Variants in PTPRG observed in about 807,000 individuals in gnomAD.
The protein encoded by PTPRG is protein tyrosine phosphatase receptor type G.
PTPRG carries 102 observed loss-of-function variants against 165.3 expected under a neutral mutation model. That is an observed-to-expected ratio of 0.62 (90% CI 0.53 to 0.73). The LOEUF (loss-of-function observed/expected upper bound fraction) is 0.73, where lower values mean the gene tolerates loss of function less well. PTPRG is among the 30% of genes least tolerant of loss of function. The probability of loss-of-function intolerance (pLI) is 0.00; values close to 1 mark genes in which losing one functional copy is unlikely to be tolerated. For missense variants in PTPRG, 1,866 were observed against 1,861.4 expected (o/e 1.00, Z -0.05); for synonymous variants, 675 against 669.5 (o/e 1.01, Z -0.13).
chr3:62,253,675 G>A (rs376050109), intron 15 of PTPRG, among the ~76,000 whole-genome samples: 3 of 152,130 alleles, frequency 2.0e-5, no homozygotes, highest in South Asian at 2.1e-4. Context: ...TTTTGGCTCC[G>A]CTTACTCTGT....
At chr3:61,952,621 C>G (rs1377593494) in intron 2 of PTPRG, among the ~76,000 whole-genome samples, 1 of 152,170 alleles carries the variant, frequency 6.6e-6, no homozygotes, top group Admixed American at 6.5e-5. Context: ...GTTCTCAGGA[C>G]ACCTTAAAAC....
At chr3:61,795,546 A>G (rs1248478036) in intron 2 of PTPRG, among the ~76,000 whole-genome samples, 2 of 150,326 alleles carry the variant, frequency 1.3e-5, no homozygotes, top group African/African-American at 4.9e-5. Flanking sequence ...AGGCCGAGAC[A>G]GGAGAATCAC....
intron 1 of PTPRG, among the ~76,000 whole-genome samples, chr3:61,728,558 G>A (rs1040824728): frequency 6.6e-6 from 1 of 151,984 alleles, no homozygotes; most frequent in African/African-American, 2.4e-5. Context: ...CCTCCAGCCT[G>A]GAAGACAGAG....
rs758245286 is a variant in PTPRG at position 62,296,425 on chromosome 3, T to C, written c.*3118T>C. 5.3e-5 allele frequency: 8 copies of C among 151,944 alleles called. No homozygotes were observed. Among genetic ancestry groups the C allele is most frequent in the Non-Finnish European group, 8.8e-5 (6 of 67,972 alleles). 9.4% of individuals were successfully genotyped at this position (151,944 alleles called of 1,614,324 possible). ...TATGAATTTTTCTTAAATGCATATA[T>C]ACTGTATTTAAAATTAAAATATAGA... On this transcript the variant is annotated 3_prime_UTR_variant, in exon 30 of 30. Coordinates refer to ENST00000474889, the MANE Select transcript of PTPRG (RefSeq NM_002841.4).
intron 12 of PTPRG, among the ~76,000 whole-genome samples, chr3:62,211,529 T>A (rs755785373): frequency 4.6e-5 from 7 of 152,286 alleles, no homozygotes; most frequent in East Asian, 1.9e-4. Flanking sequence ...TATTTTTTTT[T>A]AAAGCAGCCA....
At chr3:62,098,480 T>G (rs1028966353) in intron 5 of PTPRG, among the ~76,000 whole-genome samples, 10 of 152,162 alleles carry the variant, frequency 6.6e-5, no homozygotes, top group Admixed American at 5.2e-4. Context: ...CACCTGTGGA[T>G]AGTGGGGATA....
Position 61,586,197 on chromosome 3 carries a change from C to T in PTPRG, c.85+23825C>T, listed in dbSNP as rs545968868. Among the ~76,000 whole-genome samples, 7 of 151,748 alleles carry T rather than the reference C, an allele frequency of 4.6e-5. No homozygotes were observed. The South Asian group carries it at 8.3e-4, about 18-fold the overall frequency. On this transcript the variant is annotated intron_variant, in intron 1 of 29. Coordinates refer to ENST00000474889, the MANE Select transcript of PTPRG (RefSeq NM_002841.4). ...TCTGATTGAGTAGACCTTTTCCATC[C>T]CCAAATATCTAGGAGTTGAAACTTA...
intron 2 of PTPRG, among the ~76,000 whole-genome samples, chr3:61,781,024 G>T (rs2034530434): frequency 6.6e-6 from 1 of 152,298 alleles, no homozygotes; most frequent in African/African-American, 2.4e-5. Context: ...TTTGACTTGG[G>T]TCTCTTTAGT....
chr3:61,658,776 T>C (rs1342770766), intron 1 of PTPRG, among the ~76,000 whole-genome samples: 2 of 152,194 alleles, frequency 1.3e-5, no homozygotes, highest in Non-Finnish European at 2.9e-5. Context: ...TGCTAGACAC[T>C]CATGGCCATG....
chr3:62,091,959 G>A (rs1701944451), intron 5 of PTPRG, among the ~76,000 whole-genome samples: 1 of 151,792 alleles, frequency 6.6e-6, no homozygotes, highest in African/African-American at 2.4e-5. Flanking sequence ...CCTTTGCAAT[G>A]TTGTGGAATC....
At chr3:62,092,738 G>A (rs534296140) in intron 5 of PTPRG, among the ~76,000 whole-genome samples, 179 of 152,262 alleles carry the variant, frequency 1.2e-3, no homozygotes, top group Middle Eastern at 6.8e-3. Flanking sequence ...TAGTTAATAC[G>A]GGTAAAATCA....
intron 5 of PTPRG, among the ~76,000 whole-genome samples, chr3:62,091,708 A>G (rs1701936571): frequency 6.6e-6 from 1 of 152,074 alleles, no homozygotes; most frequent in African/African-American, 2.4e-5. Context: ...GTGGGATGTG[A>G]TCGTTGGAGA....
intron 26 of PTPRG, among the ~76,000 whole-genome samples, chr3:62,278,762 A>C (rs1576215279): frequency 6.6e-6 from 1 of 152,180 alleles, no homozygotes; most frequent in South Asian, 2.1e-4. Context: ...TGAGAATCTT[A>C]AACTAAAAGC....
chr3:61,930,997 G>T (rs567748116), intron 2 of PTPRG, among the ~76,000 whole-genome samples: 36 of 152,318 alleles, frequency 2.4e-4, no homozygotes, highest in African/African-American at 8.2e-4. Context: ...GGAGGCAGAG[G>T]TTGCAGTGAG....
chr3:62,176,359 C>T (rs1705423495), intron 8 of PTPRG, among the ~76,000 whole-genome samples: 1 of 152,126 alleles, frequency 6.6e-6, no homozygotes, highest in African/African-American at 2.4e-5. Flanking sequence ...CATCCAAAGC[C>T]TCTCAGCCAG....
intron 27 of PTPRG, among the ~76,000 whole-genome samples, chr3:62,282,494 T>C (rs533817812): frequency 8.0e-5 from 12 of 150,790 alleles, no homozygotes; most frequent in Non-Finnish European, 1.6e-4. Context: ...CCTCCCAAAG[T>C]ACTGAATTAC....
At chr3:61,625,305 T>G (rs1701577683) in intron 1 of PTPRG, among the ~76,000 whole-genome samples, 1 of 152,078 alleles carries the variant, frequency 6.6e-6, no homozygotes, top group African/African-American at 2.4e-5. Context: ...CTTTTTCTGA[T>G]TACAGAAACT....
chr3:61,766,391 T>C (rs2034016359), intron 2 of PTPRG, among the ~76,000 whole-genome samples: 1 of 152,164 alleles, frequency 6.6e-6, no homozygotes, highest in South Asian at 2.1e-4. Flanking sequence ...GTCACTGCTG[T>C]TGACAAGAGA....
intron 9 of PTPRG, among the ~76,000 whole-genome samples, chr3:62,193,345 TA>T (rs1405073184): frequency 6.6e-6 from 1 of 152,226 alleles, no homozygotes; most frequent in Non-Finnish European, 1.5e-5. Context: ...GAATGAAGCA[TA>T]AATTAGTTTC....
Sources: gnomAD v4.1 joint callset for allele counts (sites outside exome capture counted in the v4.1 genomes callset) on GRCh38, gnomAD v4.1.1 for gene constraint, MANE v1.5 for transcripts, NCBI Gene and HGNC (gene_info 2026-07-23, HGNC 2026-07-21) for gene names.